Variants in LIFR observed in about 807,000 individuals in gnomAD.
LIFR encodes the protein leukemia inhibitory factor receptor.
Under a neutral mutation model 122.2 loss-of-function variants are expected in LIFR, and 84 were observed. The observed-to-expected ratio is 0.69, with a 90% CI of 0.58 to 0.82. LIFR has a LOEUF of 0.82. Among genes scored for constraint, LIFR ranks in the 40% least tolerant of loss-of-function variants. The pLI is 0.00. For missense variants in LIFR, 1,294 were observed against 1,311.6 expected, an observed-to-expected ratio of 0.99 and a Z score of 0.21; for synonymous variants, 422 against 434.7, an observed-to-expected ratio of 0.97 and a Z score of 0.36.
intron 1 of LIFR, among the ~76,000 whole-genome samples, chr5:38,592,228 G>A (rs1373056917): frequency 1.3e-5 from 2 of 151,806 alleles, no homozygotes; most frequent in Non-Finnish European, 2.9e-5. Context: ...ACTCTACTCT[G>A]TTTTCTGGGA....
At position 38,553,622 on chromosome 5, in the gene LIFR, C is replaced by T. The variant is rs1367380647; in HGVS notation, c.-20+2712G>A. ...CTAAGAGGAGTTTGGACCATTTAAACTATATATATATATATATATATATAT... is the reference window on the plus strand; with the variant it reads ...CTAAGAGGAGTTTGGACCATTTAAATTATATATATATATATATATATATAT... On this transcript the variant is annotated intron_variant, in intron 1 of 19. Transcript: ENST00000453190. 1.9e-4 allele frequency among the ~76,000 whole-genome samples: 8 copies of T among 41,634 alleles called. No individual in the cohort carries two copies. In the South Asian group the frequency reaches 6.7e-3, roughly 35 times the overall value. 27.3% of individuals were successfully genotyped at this position (41,634 alleles called of 152,430 possible).
intron 1 of LIFR, among the ~76,000 whole-genome samples, chr5:38,563,212 A>T (rs548328284): frequency 2.0e-5 from 3 of 152,282 alleles, no homozygotes; most frequent in Non-Finnish European, 4.4e-5. Flanking sequence ...TGAAGGGCTG[A>T]CAGAAACCTT....
Position 38,517,856 on chromosome 5 carries a change from C to CAAAAAAAAAAAAAAAAAAAAAAAAAA in LIFR, c.561+5562_561+5563insTTTTTTTTTTTTTTTTTTTTTTTTTT, listed in dbSNP as rs572954936. ...TGTGCAACAGAGCAAGACACTGTCTCAAAAAAAAAAAAAAAAAAAAAAAAA... is the reference window on the plus strand; with the variant it reads ...TGTGCAACAGAGCAAGACACTGTCTCAAAAAAAAAAAAAAAAAAAAAAAAAAAAAAAAAAAAAAAAAAAAAAAAAAA... On this transcript the variant is annotated intron_variant, in intron 5 of 19. Coordinates refer to ENST00000453190, the MANE Select transcript of LIFR (RefSeq NM_001127671.2). Among the ~76,000 whole-genome samples, 13 of 15,042 alleles carry CAAAAAAAAAAAAAAAAAAAAAAAAAA rather than the reference C, an allele frequency of 8.6e-4. 2 individuals are homozygous for CAAAAAAAAAAAAAAAAAAAAAAAAAA. Among genetic ancestry groups the CAAAAAAAAAAAAAAAAAAAAAAAAAA allele is most frequent in the South Asian group, 3.4e-3 (1 of 296 alleles). The allele number at this position is 15,042 out of a possible 152,430, so 9.9% of individuals were successfully genotyped here. A position where few individuals can be genotyped will look rare whatever the true frequency, so the allele number is the denominator to read the frequency against.
chr5:38,481,093 G>A lies in LIFR; in HGVS notation c.*502C>T. On this transcript the variant is annotated 3_prime_UTR_variant, in exon 20 of 20. Transcript: ENST00000453190. ...ATTTTTGTGAATGCTGTGGATAGAG[G>A]AGAATAATCTTAGAAGTTTTAAAAT... is the stretch of plus-strand genomic sequence containing the variant. 4.1e-6 allele frequency: 1 copy of A among 244,118 alleles called. No individual in the cohort carries two copies. Among genetic ancestry groups the A allele is most frequent in the Non-Finnish European group, 8.1e-6 (1 of 124,142 alleles). 15.1% of individuals were successfully genotyped at this position (244,118 alleles called of 1,614,324 possible). A position where few individuals can be genotyped will look rare whatever the true frequency, so the allele number is the denominator to read the frequency against.
chr5:38,528,831 T>C lies in LIFR; in HGVS notation c.152A>G (p.His51Arg), dbSNP rs779213480. 3 of 1,547,366 alleles carry C rather than the reference T, an allele frequency of 1.9e-6. No individual in the cohort carries two copies. The highest frequency in any genetic ancestry group is 1.8e-6 in the Non-Finnish European group (2 of 1,139,164). The change falls in exon 3 of 20, where the codon CAT becomes CGT. Residue 51 changes from histidine to arginine, a missense_variant. His to Arg is a conservative substitution (Grantham distance 29). Transcript: ENST00000453190. ...ATTGTTAGTTACACACTTCAAATCA[T>C]GAGGAGCCCCTGGAGGAGACACACA... The part of the protein sequence containing the change: ...QVNSQKKGAP[H>R]DLKCVTNNLQ...
chr5:38,554,687 T>A (rs78279774), intron 1 of LIFR, among the ~76,000 whole-genome samples: 2,359 of 152,256 alleles, frequency 0.015, 28 homozygotes, highest in Non-Finnish European at 0.023. Context: ...GTACAGAATG[T>A]TTACATGAGC....
chr5:38,526,095 C>T (rs972326964), intron 4 of LIFR, among the ~76,000 whole-genome samples: 1 of 152,182 alleles, frequency 6.6e-6, no homozygotes, highest in Non-Finnish European at 1.5e-5. Context: ...CCCCTAAGCT[C>T]CCATTAACTG....
At chr5:38,503,917 C>G in intron 10 of LIFR, 59 bp downstream of exon 10, 2 of 1,259,264 alleles carry the variant, frequency 1.6e-6, no homozygotes, top group Non-Finnish European at 2.3e-6. Flanking sequence ...TTGCTTAATT[C>G]TTTTTGAGAA....
chr5:38,604,809 A>G (rs1185900698), intron 2 of LIFR, among the ~76,000 whole-genome samples: 1 of 152,198 alleles, frequency 6.6e-6, no homozygotes, highest in African/African-American at 2.4e-5. Flanking sequence ...GTCGGTGTAC[A>G]GCTTGCTTTT....
intron 7 of LIFR, among the ~76,000 whole-genome samples, chr5:38,510,001 A>C (rs746771108): frequency 6.6e-6 from 1 of 152,194 alleles, no homozygotes; most frequent in Non-Finnish European, 1.5e-5. Flanking sequence ...TGTTCTCCTC[A>C]AATATAATAG....
intron 1 of LIFR, among the ~76,000 whole-genome samples, chr5:38,567,687 C>T (rs962291654): frequency 5.3e-5 from 8 of 152,040 alleles, no homozygotes; most frequent in East Asian, 3.9e-4. Context: ...TGCCACCATG[C>T]CCAGCTAATT....
chr5:38,576,861 G>T (rs1339899072), intron 1 of LIFR, among the ~76,000 whole-genome samples: 1 of 152,198 alleles, frequency 6.6e-6, no homozygotes, highest in Admixed American at 6.5e-5. Context: ...AAAGCACAGA[G>T]TTGTGAAAAT....
At chr5:38,526,969 TTGAC>T (rs1746722930) in intron 4 of LIFR, among the ~76,000 whole-genome samples, 182 bp downstream of exon 4, 2 of 152,162 alleles carry the variant, frequency 1.3e-5, no homozygotes, top group South Asian at 4.2e-4. Flanking sequence ...CTGGGCTATT[TTGAC>T]TGGCCAGAAG....
rs142034824 is a variant in LIFR, at chr5:38,518,887, T to C, written c.561+4532A>G. 4.1e-3 allele frequency among the ~76,000 whole-genome samples: 618 copies of C among 152,334 alleles called. 2 individuals carry two copies. The highest frequency in any genetic ancestry group is 0.014 in the African/African-American group (578 of 41,572). ...AAGATGTGGAGGTGGCAGACTGTTA[T>C]ACTGATGATCCTGGCCCTGCGTAGG... On this transcript the variant is annotated intron_variant, in intron 5 of 19. Transcript: ENST00000453190.
chr5:38,479,639 T>C lies in LIFR; in HGVS notation c.*1956A>G, dbSNP rs138452115. The C allele has an allele frequency of 4.3e-6, 1 of 230,150 alleles. No homozygotes were observed. Among genetic ancestry groups the C allele is most frequent in the South Asian group, 1.8e-4 (1 of 5,500 alleles). 14.3% of individuals were successfully genotyped at this position (230,150 alleles called of 1,614,324 possible). A position where few individuals can be genotyped will look rare whatever the true frequency, so the allele number is the denominator to read the frequency against. On this transcript the variant is annotated 3_prime_UTR_variant, in exon 20 of 20. Transcript: ENST00000453190. ...TGTCCTGGAGAGATAAAGTACGGGA[T>C]TGATACATTTCAACAGGGAACAAGG...
Position 38,604,658 on chromosome 5 carries a change from G to A in LIFR, n.305+1547C>T, listed in dbSNP as rs148916827. Among the ~76,000 whole-genome samples the A allele has an allele frequency of 5.3e-3, 807 of 151,892 alleles. 9 individuals are homozygous for A. The highest frequency in any genetic ancestry group is 0.019 in the African/African-American group (770 of 41,414). On this transcript the variant is annotated intron_variant and non_coding_transcript_variant, in intron 2 of 3. Transcript: ENST00000507786. ...GGAGGTTGCAGTGAGCCGAGATTGCGCCGTTGCACTCCAGCCTGGGCGACA... is the reference window on the plus strand; with the variant it reads ...GGAGGTTGCAGTGAGCCGAGATTGCACCGTTGCACTCCAGCCTGGGCGACA...
intron 1 of LIFR, among the ~76,000 whole-genome samples, chr5:38,544,674 T>A (rs894117753): frequency 2.0e-5 from 3 of 152,178 alleles, no homozygotes; most frequent in Non-Finnish European, 4.4e-5. Flanking sequence ...TAGAGGTATC[T>A]ATGCATACAT....
chr5:38,522,162 AGTAGCT>A (rs1746437122), intron 5 of LIFR, among the ~76,000 whole-genome samples: 1 of 152,196 alleles, frequency 6.6e-6, no homozygotes, highest in Admixed American at 6.5e-5. Flanking sequence ...TTCTAGTCTC[AGTAGCT>A]GTAGTCTGCG....
intron 1 of LIFR, among the ~76,000 whole-genome samples, chr5:38,555,359 G>C (rs1748462282): frequency 6.6e-6 from 1 of 152,164 alleles, no homozygotes; most frequent in African/African-American, 2.4e-5. Flanking sequence ...TTTTCCACTT[G>C]TGAAAAGGAA....
Sources: gnomAD v4.1 joint callset for allele counts (sites outside exome capture counted in the v4.1 genomes callset) on GRCh38, gnomAD v4.1.1 for gene constraint, MANE v1.5 for transcripts, NCBI Gene and HGNC (gene_info 2026-07-23, HGNC 2026-07-21) for gene names.